TTC27: variants seen among roughly 807,000 people sequenced by gnomAD.
TTC27 encodes tetratricopeptide repeat domain 27, also known as tetratricopeptide repeat protein 27.
A neutral mutation model predicts 115.9 loss-of-function variants in TTC27; 79 were observed. The observed-to-expected ratio is 0.68, with a 90% CI of 0.57 to 0.82. The LOEUF (loss-of-function observed/expected upper bound fraction) is 0.82. Among genes scored for constraint, TTC27 ranks in the 40% least tolerant of loss-of-function variants. The probability of loss-of-function intolerance (pLI) is 0.00; values close to 1 mark genes in which losing one functional copy is unlikely to be tolerated. For missense variants in TTC27, 1,054 were observed against 993.1 expected (o/e 1.06, Z -0.82); for synonymous variants, 401 against 356.0 (o/e 1.13, Z -1.42).
At chr2:32,746,562 T>C (rs1297154461) in intron 12 of TTC27, among the ~76,000 whole-genome samples, 1 of 636 alleles carries the variant, frequency 1.6e-3, no homozygotes, top group Non-Finnish European at 4.3e-3. Flanking sequence ...AAACTCCATC[T>C]CAAAAAAAAA....
chr2:32,704,269 C>T (rs1667289874), intron 10 of TTC27, among the ~76,000 whole-genome samples: 1 of 152,096 alleles, frequency 6.6e-6, no homozygotes, highest in Non-Finnish European at 1.5e-5. Flanking sequence ...TCGCTGCAAC[C>T]TCTACCTCTG....
Position 32,628,739 on chromosome 2 carries a change from CTATTTATTTATTTATT to C in TTC27, c.88+384_88+399del, listed in dbSNP as rs35823725. The stretch of plus-strand genomic sequence containing the variant: ...GTTGGGTTAAGTAATTTTATTTTAT[CTATTTATTTATTTATT>C]TATTTATTTATTTATTTATTTATTG... On this transcript the variant is annotated intron_variant, in intron 1 of 19. Coordinates refer to ENST00000317907, the MANE Select transcript of TTC27 (RefSeq NM_017735.5). 3.8e-3 allele frequency among the ~76,000 whole-genome samples: 558 copies of C among 145,076 alleles called. 3 individuals are homozygous for C. Among genetic ancestry groups the C allele is most frequent in the Middle Eastern group, 7.0e-3 (2 of 284 alleles).
At position 32,633,942 on chromosome 2, in the gene TTC27, G is replaced by C. The variant is rs751760919; in HGVS notation, c.333G>C (p.Gly111=). 1 of 1,613,946 alleles carries C rather than the reference G, an allele frequency of 6.2e-7. No homozygotes were observed. Among genetic ancestry groups the C allele is most frequent in the African/African-American group, 1.3e-5 (1 of 75,018 alleles). ...TTTTTGTTCAGAGCAACTGGACGGG[G>C]CCCCCTGTTGACTTACACCCTCAGG... ...LQLFVQSNWT[G]PPVDLHPQDF... The change falls in exon 3 of 20, where the codon GGG becomes GGC. Residue 111 remains glycine (G), a synonymous_variant. Coordinates refer to ENST00000317907, the MANE Select transcript of TTC27 (RefSeq NM_017735.5).
At chr2:32,670,662 G>C (rs1572498858) in intron 7 of TTC27, among the ~76,000 whole-genome samples, 1 of 151,698 alleles carries the variant, frequency 6.6e-6, no homozygotes, top group African/African-American at 2.4e-5. Flanking sequence ...CTATTGCCCA[G>C]GCTGGAGTGC....
chr2:32,748,986 C>T (rs1375802745), intron 12 of TTC27, among the ~76,000 whole-genome samples: 1 of 152,074 alleles, frequency 6.6e-6, no homozygotes, highest in African/African-American at 2.4e-5. Context: ...CCATGCCTGG[C>T]CTGAGTTATA....
rs767274575 is a variant in TTC27, at chr2:32,628,244, C to G, written c.-49C>G. The G allele has an allele frequency of 2.3e-5, 35 of 1,550,356 alleles. No homozygotes were observed. The highest frequency in any genetic ancestry group is 2.8e-5 in the Non-Finnish European group (32 of 1,137,386). Reference sequence around the variant, plus strand: ...GTTTTCACTTTCTTTTGTTGACTCCCGTGTGGCCCTCGTGGGAGCCTGTTT... The same window carrying G: ...GTTTTCACTTTCTTTTGTTGACTCCGGTGTGGCCCTCGTGGGAGCCTGTTT... On this transcript the variant is annotated 5_prime_UTR_variant, in exon 1 of 20. Coordinates refer to ENST00000317907, the MANE Select transcript of TTC27 (RefSeq NM_017735.5).
intron 16 of TTC27, among the ~76,000 whole-genome samples, chr2:32,802,844 C>G (rs1416929493): frequency 6.6e-6 from 1 of 152,220 alleles, no homozygotes; most frequent in African/African-American, 2.4e-5. Context: ...TTCTCACCCT[C>G]CTGAGAATAC....
chr2:32,686,274 C>T (rs887085762), intron 9 of TTC27, among the ~76,000 whole-genome samples: 7 of 151,964 alleles, frequency 4.6e-5, no homozygotes, highest in Admixed American at 2.6e-4. Context: ...AAATTAAATC[C>T]GTAGCAATCA....
intron 16 of TTC27, among the ~76,000 whole-genome samples, chr2:32,808,344 G>A (rs1018765903): frequency 1.3e-5 from 2 of 152,098 alleles, no homozygotes. Flanking sequence ...AATGACTCTC[G>A]TTATCTATTC....
At chr2:32,706,077 C>CTTTTTTTTTTTTT (rs148953090) in intron 10 of TTC27, among the ~76,000 whole-genome samples, 5 of 53,220 alleles carry the variant, frequency 9.4e-5, no homozygotes, top group Admixed American at 2.9e-4. Context: ...TTACCTTACT[C>CTTTTTTTTTTTTT]TTTTTTTTTT....
chr2:32,729,177 A>C (rs968931260), intron 10 of TTC27, among the ~76,000 whole-genome samples: 2 of 152,244 alleles, frequency 1.3e-5, no homozygotes, highest in Non-Finnish European at 2.9e-5. Context: ...GGAAAAGGGT[A>C]GGTCCTTTGG....
intron 16 of TTC27, among the ~76,000 whole-genome samples, chr2:32,795,132 GAAA>G (rs61698560): frequency 1.4e-5 from 2 of 141,092 alleles, no homozygotes. Flanking sequence ...GACATTACAA[GAAA>G]AAAAAAAAAA....
chr2:32,684,317 T>A (rs927981443), intron 9 of TTC27, among the ~76,000 whole-genome samples: 4 of 152,112 alleles, frequency 2.6e-5, no homozygotes, highest in Non-Finnish European at 4.4e-5. Context: ...CTTAATCCAG[T>A]CTATCATTGT....
At chr2:32,778,408 G>T (rs1036835221) in intron 14 of TTC27, among the ~76,000 whole-genome samples, 13 of 152,010 alleles carry the variant, frequency 8.6e-5, no homozygotes, top group Non-Finnish European at 1.6e-4. Context: ...AGTTAGAATT[G>T]TGCAACCGTC....
rs1042828715 is a variant in TTC27, at chr2:32,774,592, G to A, written c.1681-3290G>A. 2.6e-5 allele frequency among the ~76,000 whole-genome samples: 4 copies of A among 152,164 alleles called. No homozygotes were observed. In the East Asian group the frequency reaches 7.7e-4, roughly 29 times the overall value. ...ATATACAACTATGTTCTGAGGAATC[G>A]AGAGAGGTTTTTTTTGAAGCTTCTT... is the stretch of plus-strand genomic sequence containing the variant. On this transcript the variant is annotated intron_variant, in intron 13 of 19. Coordinates refer to ENST00000317907, the MANE Select transcript of TTC27 (RefSeq NM_017735.5).
intron 5 of TTC27, among the ~76,000 whole-genome samples, chr2:32,657,985 A>C (rs1665393357): frequency 6.6e-6 from 1 of 152,174 alleles, no homozygotes. Flanking sequence ...GCGTGCCAGC[A>C]CGCCCAGCTA....
intron 19 of TTC27, among the ~76,000 whole-genome samples, chr2:32,819,878 C>T (rs750721492): frequency 6.6e-6 from 1 of 152,156 alleles, no homozygotes; most frequent in African/African-American, 2.4e-5. Flanking sequence ...TCCTCCTTAC[C>T]CCACAGGGAA....
At chr2:32,740,890 G>C (rs958777417) in intron 12 of TTC27, among the ~76,000 whole-genome samples, 5 of 151,954 alleles carry the variant, frequency 3.3e-5, no homozygotes, top group East Asian at 1.9e-4. Flanking sequence ...CCTGACCTCA[G>C]GTGATCCGCC....
chr2:32,733,234 C>T (rs944876182), intron 10 of TTC27, among the ~76,000 whole-genome samples: 9 of 152,140 alleles, frequency 5.9e-5, no homozygotes, highest in African/African-American at 2.2e-4. Flanking sequence ...TTATTCAGTA[C>T]CATTGTAGAA....
Sources: allele counts gnomAD v4.1 joint callset (sites outside exome capture counted in the v4.1 genomes callset), GRCh38; gene constraint gnomAD v4.1.1; transcripts MANE v1.5; gene names NCBI Gene and HGNC (gene_info 2026-07-23, HGNC 2026-07-21).